The following RUBCNL variants were observed in gnomAD, a reference collection of about 807,000 sequenced individuals.
RUBCNL encodes the protein rubicon like autophagy enhancer.
A neutral mutation model predicts 69.5 loss-of-function variants in RUBCNL; 62 were observed. The ratio of observed to expected loss-of-function variants is 0.89; its 90% CI spans 0.73 to 1.10. The LOEUF is 1.10. Among genes scored for constraint, RUBCNL ranks in the 50% least tolerant of loss-of-function variants. RUBCNL has a pLI of 0.00. For synonymous variants in RUBCNL, 291 were observed against 303.6 expected, an observed-to-expected ratio of 0.96 and a Z score of 0.43; for missense variants, 768 against 798.1, an observed-to-expected ratio of 0.96 and a Z score of 0.45.
In RUBCNL at chr13:46,337,735, T is replaced by C. The variant is rs2048113144; in HGVS notation, c.*5650A>G. The stretch of plus-strand genomic sequence containing the variant: ...ACATCTTATGTTAGTCAGAGTAGGG[T>C]GGGTTACACTGTAGGAACCAGCCCC... On this transcript the variant is annotated 3_prime_UTR_variant, in exon 15 of 15. Coordinates refer to ENST00000429979, the MANE Select transcript of RUBCNL (RefSeq NM_025113.5). Among the ~76,000 whole-genome samples the C allele has an allele frequency of 6.6e-6, 1 of 152,020 alleles. No individual in the cohort carries two copies. The highest frequency in any genetic ancestry group is 2.4e-5 in the African/African-American group (1 of 41,376).
At chr13:46,361,642 G>A in intron 7 of RUBCNL, 69 bp from the exon 8 acceptor site, 2 of 1,477,808 alleles carry the variant, frequency 1.4e-6, no homozygotes, top group South Asian at 2.5e-5. Context: ...TCTTCCTGAG[G>A]TTTTCAACTG....
At chr13:46,380,773 A>G (rs1454754141) in intron 1 of RUBCNL, among the ~76,000 whole-genome samples, 6 of 152,220 alleles carry the variant, frequency 3.9e-5, no homozygotes, top group Admixed American at 3.9e-4. Flanking sequence ...AGCATATGTA[A>G]AAATAGAATT....
Position 46,355,206 on chromosome 13 carries a change from G to T in RUBCNL, c.1330+1226C>A, listed in dbSNP as rs74072464. 5.5e-3 allele frequency among the ~76,000 whole-genome samples: 834 copies of T among 152,168 alleles called. 6 individuals carry two copies. The highest frequency in any genetic ancestry group is 0.019 in the African/African-American group (804 of 41,502). ...AAGCTCCTCTTTCCAGCCTTTTGCA[G>T]GTCAGACATACAGGTACCATCAGAG... On this transcript the variant is annotated intron_variant, in intron 10 of 14. Coordinates refer to ENST00000429979, the MANE Select transcript of RUBCNL (RefSeq NM_025113.5).
rs185241356 is a variant in RUBCNL at position 46,343,139 on chromosome 13, C to G, written c.*246G>C. ...ATTCAAATACAAAAGTATAAAAAAC[C>G]TCTTTAAAAAACCAATAGCAGCCAA... On this transcript the variant is annotated 3_prime_UTR_variant, in exon 15 of 15. Transcript: ENST00000429979. The G allele has an allele frequency of 1.4e-5, 8 of 576,394 alleles. No individual in the cohort carries two copies. The East Asian group carries it at 2.4e-4, about 17-fold the overall frequency. 35.7% of individuals were successfully genotyped at this position (576,394 alleles called of 1,614,324 possible).
At chr13:46,347,807 T>G (rs1022579210) in intron 12 of RUBCNL, among the ~76,000 whole-genome samples, 1 of 151,966 alleles carries the variant, frequency 6.6e-6, no homozygotes, top group Non-Finnish European at 1.5e-5. Context: ...CTGGCTAACA[T>G]GATGAAACCC....
chr13:46,375,307 TGGAGAA>T (rs2048966296), intron 2 of RUBCNL, among the ~76,000 whole-genome samples: 1 of 151,986 alleles, frequency 6.6e-6, no homozygotes, highest in Non-Finnish European at 1.5e-5. Flanking sequence ...CCAAGGCGGG[TGGAGAA>T]CCTGAAGTCA....
rs572140488 is a variant in RUBCNL at position 46,337,734 on chromosome 13, G to C, written c.*5651C>G. Reference sequence around the variant, plus strand: ...GACATCTTATGTTAGTCAGAGTAGGGTGGGTTACACTGTAGGAACCAGCCC... The same window carrying C: ...GACATCTTATGTTAGTCAGAGTAGGCTGGGTTACACTGTAGGAACCAGCCC... On this transcript the variant is annotated 3_prime_UTR_variant, in exon 15 of 15. Coordinates refer to ENST00000429979, the MANE Select transcript of RUBCNL (RefSeq NM_025113.5). 1.5e-4 allele frequency among the ~76,000 whole-genome samples: 23 copies of C among 152,284 alleles called. 2 individuals carry two copies. The highest frequency in any genetic ancestry group is 5.3e-4 in the African/African-American group (22 of 41,554).
In RUBCNL at chr13:46,349,452, T is replaced by C. The variant is rs968298585; in HGVS notation, c.1570-105A>G. ...ATTTCTAAGCTTGAAATGCTGCACT[T>C]GTATAAAACAAACCTTGAAAGCAAA... On this transcript the variant is annotated intron_variant, in intron 11 of 14. Coordinates refer to ENST00000429979, the MANE Select transcript of RUBCNL (RefSeq NM_025113.5). The C allele has an allele frequency of 3.6e-6, 4 of 1,099,630 alleles. No individual in the cohort carries two copies. The Admixed American group carries it at 7.8e-5, about 21-fold the overall frequency. 68.1% of individuals were successfully genotyped at this position (1,099,630 alleles called of 1,614,324 possible).
intron 13 of RUBCNL, 83 bp from the exon 14 acceptor site, chr13:46,344,914 C>G (rs758894245): frequency 1.1e-5 from 9 of 824,760 alleles, no homozygotes; most frequent in Non-Finnish European, 1.6e-5. Flanking sequence ...TTATAAACAT[C>G]AGTGTTTCAG....
In RUBCNL at chr13:46,356,485, A is replaced by G. The variant is rs2048487411; in HGVS notation, c.1277T>C (p.Val426Ala). Residue 426 changes from valine (V) to alanine (A), a missense_variant, in exon 10 of 15, where the codon GTG (valine) becomes GCG (alanine). Coordinates refer to ENST00000429979, the MANE Select transcript of RUBCNL (RefSeq NM_025113.5). ...NIHPPLKRDLVVAAQNFFCAG... is the reference protein window; with the variant it reads ...NIHPPLKRDLAVAAQNFFCAG... ...ACAGAAAAAATTCTGGGCTGCCACC[A>G]CAAGGTCCCTCCTGAATACGAAAAA... 6.2e-7 allele frequency: 1 copy of G among 1,613,818 alleles called. No individual in the cohort carries two copies. The highest frequency in any genetic ancestry group is 1.3e-5 in the African/African-American group (1 of 74,916).
rs574968908 is a variant in RUBCNL, at chr13:46,338,415, T to C, written c.*4970A>G. Among the ~76,000 whole-genome samples the C allele has an allele frequency of 1.7e-4, 26 of 152,230 alleles. No homozygotes were observed. Among genetic ancestry groups the C allele is most frequent in the African/African-American group, 5.5e-4 (23 of 41,536 alleles). Reference sequence around the variant, plus strand: ...CTGCCCCTTGGCTGCCTCTTGGTCTTAGCAGCGCAGTTCACTTTCAGGAGG... The same window carrying C: ...CTGCCCCTTGGCTGCCTCTTGGTCTCAGCAGCGCAGTTCACTTTCAGGAGG... On this transcript the variant is annotated 3_prime_UTR_variant, in exon 15 of 15. Coordinates refer to ENST00000429979, the MANE Select transcript of RUBCNL (RefSeq NM_025113.5).
At chr13:46,368,992 G>A in intron 3 of RUBCNL, among the ~76,000 whole-genome samples, 177 bp from the exon 4 acceptor site, 1 of 152,230 alleles carries the variant, frequency 6.6e-6, no homozygotes, top group Admixed American at 6.5e-5. Flanking sequence ...TACAGATATT[G>A]CTTTAATGAT....
At chr13:46,377,864 G>T (rs763231349) in intron 2 of RUBCNL, 26 bp downstream of exon 2, 2 of 1,414,592 alleles carry the variant, frequency 1.4e-6, no homozygotes, top group South Asian at 1.2e-5. Context: ...GCAGAGAGAA[G>T]ACAAAAGGCC....
Position 46,340,748 on chromosome 13 carries a change from G to A in RUBCNL, c.*2637C>T, listed in dbSNP as rs1177714181. ...AGACTCCCCTTGTATGGAAACAGAGGAGGCAAAGAGAGGGCAGGGAGGTGC... is the reference window on the plus strand; with the variant it reads ...AGACTCCCCTTGTATGGAAACAGAGAAGGCAAAGAGAGGGCAGGGAGGTGC... On this transcript the variant is annotated 3_prime_UTR_variant, in exon 15 of 15. Coordinates refer to ENST00000429979, the MANE Select transcript of RUBCNL (RefSeq NM_025113.5). Among the ~76,000 whole-genome samples the A allele has an allele frequency of 6.6e-6, 1 of 152,172 alleles. No homozygotes were observed. Among genetic ancestry groups the A allele is most frequent in the African/African-American group, 2.4e-5 (1 of 41,440 alleles).
Position 46,372,223 on chromosome 13 carries a change from C to G in RUBCNL, c.253G>C (p.Ala85Pro). The change falls in exon 3 of 15, where the codon GCC (alanine) becomes CCC (proline). Residue 85 changes from alanine to proline, a missense_variant. Coordinates refer to ENST00000429979, the MANE Select transcript of RUBCNL (RefSeq NM_025113.5). ...GAAGGTGAAGGGCCTGAGGGAGAGGCAGCATCTGTCACAAAATGGGTCCCA... is the reference window on the plus strand; with the variant it reads ...GAAGGTGAAGGGCCTGAGGGAGAGGGAGCATCTGTCACAAAATGGGTCCCA... ...NSGTHFVTDA[A>P]SPSGPSPSCL... 1.2e-6 allele frequency: 2 copies of G among 1,614,024 alleles called. No homozygotes were observed. The highest frequency in any genetic ancestry group is 1.7e-6 in the Non-Finnish European group (2 of 1,179,898).
upstream of RUBCNL, among the ~76,000 whole-genome samples, chr13:46,388,430 C>CAGGAAGGAAGGAAAGAAGGA (rs2138874617): frequency 7.1e-6 from 1 of 141,332 alleles, no homozygotes; most frequent in African/African-American, 2.7e-5. Flanking sequence ...AACCTAAGCC[C>CAGGAAGGAAGGAAAGAAGGA]AGGAAGGAAG....
At chr13:46,378,700 C>T (rs2049054488) in intron 1 of RUBCNL, 1 of 152,260 alleles carries the variant, frequency 6.6e-6, no homozygotes, top group Non-Finnish European at 1.5e-5. Context: ...CACCATGATG[C>T]CTACGGTGAC....
chr13:46,365,550 C>CACAGTG (rs1393315841), intron 5 of RUBCNL, among the ~76,000 whole-genome samples: 1 of 152,142 alleles, frequency 6.6e-6, no homozygotes, highest in Non-Finnish European at 1.5e-5. Flanking sequence ...GGGAGCATGT[C>CACAGTG]ACAGTGACAG....
Position 46,361,563 on chromosome 13 carries a change from C to T in RUBCNL, c.997G>A (p.Glu333Lys), listed in dbSNP as rs772454602. Residue 333 changes from glutamate to lysine, a missense_variant, in exon 8 of 15, where the codon GAG (glutamate) becomes AAG (lysine). Transcript: ENST00000429979. Reference protein sequence around the residue: ...SCSSSKSVTYEPDFNSAELLA... With the variant: ...SCSSSKSVTYKPDFNSAELLA... ...AGTTCTGCAGAATTGAAGTCTGGCT[C>T]ATAAGTGACACTGAAATGTAAGAGA... 1.1e-5 allele frequency: 17 copies of T among 1,599,948 alleles called. No individual in the cohort carries two copies. The Middle Eastern group carries it at 5.0e-4, about 47-fold the overall frequency.
Sources: allele counts gnomAD v4.1 joint callset (sites outside exome capture counted in the v4.1 genomes callset), GRCh38; gene constraint gnomAD v4.1.1; transcripts MANE v1.5; gene names NCBI Gene and HGNC (gene_info 2026-07-23, HGNC 2026-07-21).